The following CFAP251 variants were observed in gnomAD, a reference collection of about 807,000 sequenced individuals.
CFAP251 encodes cilia and flagella associated protein 251.
Under a neutral mutation model 126.7 loss-of-function variants are expected in CFAP251, and 93 were observed. The observed-to-expected ratio is 0.73, with a 90% CI of 0.62 to 0.87. CFAP251 has a LOEUF of 0.87. CFAP251 is among the 40% of genes least tolerant of loss of function. CFAP251 has a pLI of 0.00. For synonymous variants in CFAP251, 503 were observed against 506.9 expected, an observed-to-expected ratio of 0.99 and a Z score of 0.10; for missense variants, 1,287 against 1,389.2, an observed-to-expected ratio of 0.93 and a Z score of 1.17.
At chr12:121,953,183 C>T (rs1024469710) in intron 9 of CFAP251, 8 of 152,202 alleles carry the variant, frequency 5.3e-5, no homozygotes, top group African/African-American at 1.9e-4. Flanking sequence ...GGAACACTAG[C>T]CAGCACTTCA....
At chr12:121,926,271 C>T (rs1052287517) in intron 3 of CFAP251, among the ~76,000 whole-genome samples, 20 of 151,974 alleles carry the variant, frequency 1.3e-4, no homozygotes, top group African/African-American at 4.8e-4. Context: ...TATCTTCTTT[C>T]TTCTTTCTTT....
At chr12:121,983,282 T>C (rs983379286) in intron 19 of CFAP251, among the ~76,000 whole-genome samples, 1 of 151,622 alleles carries the variant, frequency 6.6e-6, no homozygotes, top group African/African-American at 2.4e-5. Context: ...GAGTCCCAGC[T>C]ACCCTGGAGG....
intron 17 of CFAP251, chr12:121,969,852 A>T: frequency 1.0e-6 from 1 of 985,184 alleles, no homozygotes; most frequent in Non-Finnish European, 1.2e-6. Flanking sequence ...TAAGAAGAAG[A>T]AAAAAAGGCC....
intron 19 of CFAP251, among the ~76,000 whole-genome samples, chr12:121,975,990 C>T (rs1182335317): frequency 6.6e-6 from 1 of 151,788 alleles, no homozygotes. Context: ...TAGGTGAGGA[C>T]CAGCCTCGTA....
Position 121,923,668 on chromosome 12 carries a change from A to G in CFAP251, c.425A>G (p.Asp142Gly). Residue 142 changes from aspartate (D) to glycine (G), a missense_variant, in exon 3 of 22, where the codon GAT becomes GGT. Coordinates refer to ENST00000288912, the MANE Select transcript of CFAP251 (RefSeq NM_144668.6). ...TCAAAGCTTTCCTTACAATTGGAGG[A>G]TGCAGAAACAGATGAGCTTTTAAGA... ...SKSKLSLQLE[D>G]AETDELLRDL... is the part of the protein sequence containing the mutation. 1 of 1,613,868 alleles carries G rather than the reference A, an allele frequency of 6.2e-7. No homozygotes were observed. Among genetic ancestry groups the G allele is most frequent in the Middle Eastern group, 1.7e-4 (1 of 6,060 alleles).
intron 19 of CFAP251, among the ~76,000 whole-genome samples, chr12:121,994,035 GC>G (rs1297330214): frequency 4.6e-5 from 4 of 86,128 alleles, no homozygotes; most frequent in African/African-American, 1.7e-4. Flanking sequence ...GGGGGGGTCA[GC>G]CCCCCCGCCT....
intron 3 of CFAP251, among the ~76,000 whole-genome samples, chr12:121,928,658 GTATATATATACGTATA>G (rs1592963571): frequency 4.1e-4 from 11 of 26,718 alleles, no homozygotes; most frequent in Non-Finnish European, 6.1e-4. Flanking sequence ...ATATATATAC[GTATATATATACGTATA>G]TATATATATA....
At position 121,942,621 on chromosome 12, in the gene CFAP251, A is replaced by G; in HGVS notation, c.1086A>G (p.Ala362=). 1 of 1,613,094 alleles carries G rather than the reference A, an allele frequency of 6.2e-7. No individual in the cohort carries two copies. Among genetic ancestry groups the G allele is most frequent in the Non-Finnish European group, 8.5e-7 (1 of 1,179,986 alleles). ...TGACCCACGACGCCAAGTATCTGGCAACCATCTCAGATGCTGAAGTCCAGG... is the reference window on the plus strand; with the variant it reads ...TGACCCACGACGCCAAGTATCTGGCGACCATCTCAGATGCTGAAGTCCAGG... The part of the protein sequence containing the change: ...MAMTHDAKYL[A]TISDAEVQKV... The change falls in exon 6 of 22, where the codon GCA becomes GCG. Residue 362 remains alanine (A), a synonymous_variant. Transcript: ENST00000288912.
At chr12:121,957,326 T>C (rs1364062822) in intron 11 of CFAP251, 58 bp downstream of exon 11, 3 of 1,510,258 alleles carry the variant, frequency 2.0e-6, no homozygotes, top group South Asian at 1.3e-5. Context: ...CTGTCTTCTT[T>C]AGTTTGCATA....
intron 20 of CFAP251, among the ~76,000 whole-genome samples, 178 bp downstream of exon 20, chr12:122,000,122 T>C (rs561600880): frequency 6.6e-6 from 1 of 152,168 alleles, no homozygotes; most frequent in African/African-American, 2.4e-5. Flanking sequence ...TACGAAGTAA[T>C]GGGAGGGACC....
intron 19 of CFAP251, among the ~76,000 whole-genome samples, chr12:121,977,639 G>A (rs189656768): frequency 1.1e-3 from 174 of 151,858 alleles, no homozygotes; most frequent in Non-Finnish European, 2.2e-3. Context: ...CAGCCTGGGC[G>A]ACAGAGCGAA....
At position 121,923,694 on chromosome 12, in the gene CFAP251, G is replaced by C; in HGVS notation, c.451G>C (p.Asp151His). The stretch of plus-strand genomic sequence containing the variant: ...TGCAGAAACAGATGAGCTTTTAAGA[G>C]ACCTGAGCACACAAATTGAATTTCT... ...EDAETDELLR[D>H]LSTQIEFLDL... Residue 151 changes from aspartate to histidine, a missense_variant, in exon 3 of 22, where the codon GAC (aspartate) becomes CAC (histidine). Coordinates refer to ENST00000288912, the MANE Select transcript of CFAP251 (RefSeq NM_144668.6). 9.9e-6 allele frequency: 16 copies of C among 1,614,132 alleles called. No individual in the cohort carries two copies. Among genetic ancestry groups the C allele is most frequent in the Non-Finnish European group, 1.3e-5 (15 of 1,180,040 alleles).
intron 19 of CFAP251, 134 bp from the exon 20 acceptor site, chr12:121,999,582 G>GCCT: frequency 1.6e-6 from 1 of 631,760 alleles, no homozygotes; most frequent in Non-Finnish European, 2.7e-6. Flanking sequence ...GTGATCCTTT[G>GCCT]GCCACGGCCT....
chr12:121,993,033 A>G (rs1262207895), intron 19 of CFAP251, among the ~76,000 whole-genome samples: 2 of 140,176 alleles, frequency 1.4e-5, no homozygotes, highest in South Asian at 2.4e-4. Flanking sequence ...GCGGAGCCGA[A>G]GCTGGACTGT....
At chr12:121,954,636 T>TAAAAAAAAAAAAAAA (rs1174239421) in intron 10 of CFAP251, among the ~76,000 whole-genome samples, 1 of 41,980 alleles carries the variant, frequency 2.4e-5, no homozygotes, top group Non-Finnish European at 4.0e-5. Context: ...CCTCCTGTCT[T>TAAAAAAAAAAAAAAA]AAAAAAAAAA....
intron 19 of CFAP251, among the ~76,000 whole-genome samples, chr12:121,994,830 C>A (rs1270889449): frequency 7.7e-6 from 1 of 130,466 alleles, no homozygotes; most frequent in Admixed American, 8.0e-5. Flanking sequence ...CGGAAGGCCG[C>A]AGGGTCCTCT....
chr12:121,971,969 C>A, intron 17 of CFAP251: 1 of 250,028 alleles, frequency 4.0e-6, no homozygotes. Context: ...CTCATTCTCT[C>A]TTGCCACTGC....
chr12:121,949,976 A>T (rs1389971886), intron 8 of CFAP251: 1 of 152,220 alleles, frequency 6.6e-6, no homozygotes, highest in Non-Finnish European at 1.5e-5. Context: ...CCAAGGTAAG[A>T]TGTAAAAGAA....
intron 11 of CFAP251, 139 bp from the exon 12 acceptor site, chr12:121,958,132 AT>A: frequency 8.0e-7 from 1 of 1,252,630 alleles, no homozygotes; most frequent in Non-Finnish European, 1.1e-6. Context: ...TATTGGTGGT[AT>A]ATTTTTGGAA....
Sources: allele counts gnomAD v4.1 joint callset (sites outside exome capture counted in the v4.1 genomes callset), GRCh38; gene constraint gnomAD v4.1.1; transcripts MANE v1.5; gene names NCBI Gene and HGNC (gene_info 2026-07-23, HGNC 2026-07-21).